The following PAK3 variants were observed in gnomAD, a reference collection of about 807,000 sequenced individuals.
PAK3 encodes p21 (RAC1) activated kinase 3, also known as serine/threonine-protein kinase PAK 3.
Under a neutral mutation model 41.0 loss-of-function variants are expected in PAK3, and 4 were observed. The observed-to-expected ratio is 0.10, with a 90% CI of 0.05 to 0.22. PAK3 has a LOEUF of 0.22. Among genes scored for constraint, PAK3 ranks in the 10% least tolerant of loss-of-function variants. The probability of loss-of-function intolerance (pLI) is 1.00; values close to 1 mark genes in which losing one functional copy is unlikely to be tolerated. For missense variants in PAK3, 205 were observed against 409.9 expected, an observed-to-expected ratio of 0.50 and a Z score of 4.32; for synonymous variants, 146 against 139.6, an observed-to-expected ratio of 1.05 and a Z score of -0.32.
At chrX:111,121,540 G>A (rs968169105) in intron 4 of PAK3, among the ~76,000 whole-genome samples, 8 of 111,886 alleles carry the variant, frequency 7.2e-5, no homozygotes, top group African/African-American at 2.6e-4. Flanking sequence ...CTAAAGGGCC[G>A]GAAAGCATTG....
chrX:111,172,059 T>C (rs2149241203), intron 10 of PAK3, among the ~76,000 whole-genome samples: 1 of 111,873 alleles, frequency 8.9e-6, no homozygotes, highest in Admixed American at 9.5e-5. Flanking sequence ...CAATAGATAT[T>C]TGTCCAGCAG....
chrX:111,161,223 T>A (rs2094182653), intron 8 of PAK3, among the ~76,000 whole-genome samples: 1 of 112,424 alleles, frequency 8.9e-6, no homozygotes, highest in South Asian at 3.6e-4. Flanking sequence ...CCAGTGATGA[T>A]GAGCATTTTT....
intron 1 of PAK3, among the ~76,000 whole-genome samples, chrX:111,020,440 A>G (rs1430534815): frequency 9.0e-6 from 1 of 111,464 alleles, no homozygotes; most frequent in Non-Finnish European, 1.9e-5. Flanking sequence ...ATACAGTTTC[A>G]GTTGGGGAAG....
At chrX:111,184,556 C>G (rs2094491522) in intron 11 of PAK3, among the ~76,000 whole-genome samples, 1 of 108,856 alleles carries the variant, frequency 9.2e-6, no homozygotes, top group African/African-American at 3.3e-5. Context: ...CCCTAGCCCC[C>G]CATCCCCCAA....
intron 1 of PAK3, among the ~76,000 whole-genome samples, chrX:110,952,118 A>C (rs2090756260): frequency 8.9e-6 from 1 of 112,363 alleles, no homozygotes; most frequent in Non-Finnish European, 1.9e-5. Flanking sequence ...GTACAGGTGT[A>C]GCTTTTTCCC....
chrX:111,128,978 T>C (rs1014576389), intron 5 of PAK3, among the ~76,000 whole-genome samples: 1 of 111,525 alleles, frequency 9.0e-6, no homozygotes, highest in Non-Finnish European at 1.9e-5. Context: ...AAAGAGTTCT[T>C]AAAGTACTAT....
At chrX:111,183,789 A>G (rs1345310701) in intron 11 of PAK3, among the ~76,000 whole-genome samples, 2 of 111,682 alleles carry the variant, frequency 1.8e-5, no homozygotes, top group Non-Finnish European at 3.8e-5. Context: ...CCTTCAGGCT[A>G]GATGCCAGTG....
intron 1 of PAK3, among the ~76,000 whole-genome samples, chrX:111,035,294 G>A (rs1465669505): frequency 9.0e-6 from 1 of 111,297 alleles, no homozygotes; most frequent in East Asian, 2.8e-4. Flanking sequence ...ATGTACTTGT[G>A]GTCAACAAAA....
chrX:111,027,876 A>G (rs188173972), intron 1 of PAK3, among the ~76,000 whole-genome samples: 33 of 109,594 alleles, frequency 3.0e-4, no homozygotes, highest in Non-Finnish European at 4.0e-4. Flanking sequence ...ACACATGTTT[A>G]TAGCAGCACA....
At chrX:110,960,368 A>G (rs371502589) in intron 1 of PAK3, among the ~76,000 whole-genome samples, 4 of 112,134 alleles carry the variant, frequency 3.6e-5, no homozygotes, top group African/African-American at 1.3e-4. Flanking sequence ...AGAGGGATCA[A>G]TTTTAAATAT....
At chrX:111,129,481 T>A (rs186658497) in intron 5 of PAK3, among the ~76,000 whole-genome samples, 79 of 111,238 alleles carry the variant, frequency 7.1e-4, no homozygotes, top group African/African-American at 2.5e-3. Context: ...TCCTCTAGGG[T>A]CAGTGCTATG....
chrX:111,185,703 C>T (rs1256250553), intron 11 of PAK3, among the ~76,000 whole-genome samples: 1 of 111,304 alleles, frequency 9.0e-6, no homozygotes, highest in East Asian at 2.9e-4. Context: ...TCTGAGGCCT[C>T]TGTTCTATTC....
chrX:111,188,727 C>T (rs1266609304), intron 11 of PAK3, among the ~76,000 whole-genome samples: 2 of 111,559 alleles, frequency 1.8e-5, no homozygotes, highest in Non-Finnish European at 3.8e-5. Flanking sequence ...ATATAGACAT[C>T]AACTCTGATC....
intron 1 of PAK3, among the ~76,000 whole-genome samples, chrX:110,949,801 C>T (rs952411808): frequency 2.7e-5 from 3 of 111,539 alleles, no homozygotes; most frequent in African/African-American, 9.8e-5. Context: ...TGTCCCCTTC[C>T]TTCAACCTTA....
chrX:111,192,881 T>C (rs993829675), intron 13 of PAK3, among the ~76,000 whole-genome samples: 4 of 111,733 alleles, frequency 3.6e-5, no homozygotes, highest in Non-Finnish European at 7.5e-5. Context: ...AAATAGACCA[T>C]TGCATATAGG....
intron 1 of PAK3, among the ~76,000 whole-genome samples, chrX:110,960,644 G>C (rs2090960472): frequency 9.0e-6 from 1 of 110,794 alleles, no homozygotes; most frequent in South Asian, 3.9e-4. Context: ...TGGAGGGGAG[G>C]GTTCTGGGTA....
intron 1 of PAK3, among the ~76,000 whole-genome samples, chrX:111,010,368 T>C (rs1348325275): frequency 9.0e-6 from 1 of 111,465 alleles, no homozygotes; most frequent in East Asian, 2.8e-4. Flanking sequence ...ATCAAATCCT[T>C]GACAAGCCAC....
At chrX:111,096,637 T>A (rs2092991306) in intron 1 of PAK3, 1 of 110,688 alleles carries the variant, frequency 9.0e-6, no homozygotes, top group Admixed American at 9.5e-5. Context: ...TCAGGGCCGT[T>A]CCCAGAGGGC....
intron 1 of PAK3, among the ~76,000 whole-genome samples, chrX:110,994,124 G>T (rs967071424): frequency 8.9e-6 from 1 of 112,092 alleles, no homozygotes; most frequent in Non-Finnish European, 1.9e-5. Context: ...AATTTTTGCC[G>T]TTACAAGCAG....
Sources: gnomAD v4.1 joint callset for allele counts (sites outside exome capture counted in the v4.1 genomes callset) on GRCh38, gnomAD v4.1.1 for gene constraint, MANE v1.5 for transcripts, NCBI Gene and HGNC (gene_info 2026-07-23, HGNC 2026-07-21) for gene names.